Variants in KCNB2 observed in about 807,000 individuals in gnomAD.
KCNB2 encodes the protein delayed rectifier potassium channel protein.
Under a neutral mutation model 61.5 loss-of-function variants are expected in KCNB2, and 15 were observed. The observed-to-expected ratio is 0.24, with a 90% CI of 0.16 to 0.38. The LOEUF is 0.38. Ranked by LOEUF, KCNB2 falls within the 10% of genes least tolerant of loss-of-function variation. The pLI is 1.00. For missense variants in KCNB2, 828 were observed against 1,125.2 expected (o/e 0.74, Z 3.78); for synonymous variants, 457 against 446.0 (o/e 1.02, Z -0.31).
rs143234518 is a variant in KCNB2, at chr8:72,733,787, G to A, written c.579+165474G>A. On this transcript the variant is annotated intron_variant, in intron 2 of 2. Transcript: ENST00000523207. ...CCCCTGATTTTTGATGTAGCCCCCC[G>A]TTTGGTGTGGATGACTCGGAAGGCA... Among the ~76,000 whole-genome samples the A allele has an allele frequency of 1.1e-4, 16 of 152,166 alleles. No individual in the cohort carries two copies. In the East Asian group the frequency reaches 1.9e-3, roughly 18 times the overall value.
intron 2 of KCNB2, among the ~76,000 whole-genome samples, chr8:72,571,917 T>A (rs1018786422): frequency 2.0e-5 from 3 of 152,214 alleles, no homozygotes; most frequent in Non-Finnish European, 4.4e-5. Flanking sequence ...GAAACATTTT[T>A]CTCTCTTTTC....
chr8:72,581,557 G>A (rs349333), intron 2 of KCNB2, among the ~76,000 whole-genome samples: 152,199 of 152,374 alleles, frequency 1, 76,013 homozygotes, highest in Middle Eastern at 1. Context: ...TTCTCTGTGA[G>A]GACTAAATAG....
In KCNB2 at chr8:72,567,747, G is replaced by T. The variant is rs1339858416; in HGVS notation, c.13G>T (p.Ala5Ser). 9 of 1,559,580 alleles carry T rather than the reference G, an allele frequency of 5.8e-6. No individual in the cohort carries two copies. The highest frequency in any genetic ancestry group is 7.8e-6 in the Non-Finnish European group (9 of 1,156,422). Reference sequence around the variant, plus strand: ...TGTCCAGTTCAAAATGGCAGAAAAGGCTCCCCCGGGCTTAAACAGGAAGAC... The same window carrying T: ...TGTCCAGTTCAAAATGGCAGAAAAGTCTCCCCCGGGCTTAAACAGGAAGAC... MAEK[A>S]PPGLNRKTSR... Residue 5 changes from alanine to serine, a missense_variant, in exon 2 of 3, where the codon GCT (alanine) becomes TCT (serine). Ala to Ser is a moderately conservative substitution (Grantham distance 99). Around this residue, in one of 4 missense-constraint regions of KCNB2, gnomAD observed 62 missense variants for 54.8 expected, o/e 1.13. Coordinates refer to ENST00000523207, the MANE Select transcript of KCNB2 (RefSeq NM_004770.3).
chr8:72,625,568 C>A (rs1422465773), intron 2 of KCNB2, among the ~76,000 whole-genome samples: 1 of 152,110 alleles, frequency 6.6e-6, no homozygotes, highest in Admixed American at 6.5e-5. Context: ...GTAGCTGAGA[C>A]TACAGGCGTG....
At position 72,937,323 on chromosome 8, in the gene KCNB2, A is replaced by C; in HGVS notation, c.1968A>C (p.Arg656Ser). 3 of 1,614,010 alleles carry C rather than the reference A, an allele frequency of 1.9e-6. No homozygotes were observed. Among genetic ancestry groups the C allele is most frequent in the Non-Finnish European group, 2.5e-6 (3 of 1,180,004 alleles). Reference sequence around the variant, plus strand: ...GCCCCCCGTTTCTAACTCTATCCAGAGAGAAAGGACCTGCTGCCAGGGATG... The same window carrying C: ...GCCCCCCGTTTCTAACTCTATCCAGCGAGAAAGGACCTGCTGCCAGGGATG... Reference protein sequence around the residue: ...ARGPPFLTLSREKGPAARDGT... With the variant: ...ARGPPFLTLSSEKGPAARDGT... The change falls in exon 3 of 3, where the codon AGA becomes AGC. Residue 656 changes from arginine (R) to serine (S), a missense_variant. Physicochemically the swap from Arg to Ser is moderately radical, Grantham distance 110. This residue lies in a region of KCNB2 where 559 missense variants were observed against 588.4 expected (regional missense o/e 0.95). Coordinates refer to ENST00000523207, the MANE Select transcript of KCNB2 (RefSeq NM_004770.3).
chr8:72,728,807 G>A (rs1370001061), intron 2 of KCNB2, among the ~76,000 whole-genome samples: 2 of 151,870 alleles, frequency 1.3e-5, no homozygotes, highest in African/African-American at 4.8e-5. Context: ...AGCAACACAG[G>A]GTATTGCAAA....
intron 2 of KCNB2, among the ~76,000 whole-genome samples, chr8:72,624,423 A>G (rs1585791699): frequency 6.6e-6 from 1 of 152,230 alleles, no homozygotes; most frequent in Non-Finnish European, 1.5e-5. Context: ...TTCAACAACA[A>G]AAAAGATAAC....
chr8:72,670,050 T>C (rs1806537934), intron 2 of KCNB2, among the ~76,000 whole-genome samples: 1 of 152,224 alleles, frequency 6.6e-6, no homozygotes, highest in Non-Finnish European at 1.5e-5. Context: ...GCCTCAGTTT[T>C]TTCATTAGTA....
chr8:72,842,648 C>T (rs2129002718), intron 2 of KCNB2, among the ~76,000 whole-genome samples: 1 of 152,240 alleles, frequency 6.6e-6, no homozygotes, highest in Non-Finnish European at 1.5e-5. Flanking sequence ...TGACTTCTTC[C>T]TGGCTTGGTC....
At chr8:72,642,325 A>G (rs922172055) in intron 2 of KCNB2, among the ~76,000 whole-genome samples, 9 of 152,258 alleles carry the variant, frequency 5.9e-5, no homozygotes, top group South Asian at 4.1e-4. Flanking sequence ...ACTTTATTTT[A>G]CTTATTTGTT....
chr8:72,549,214 A>G (rs115490756), intron 1 of KCNB2, among the ~76,000 whole-genome samples: 4,305 of 152,232 alleles, frequency 0.028, 193 homozygotes, highest in African/African-American at 0.095. Context: ...CGTCTTCTAT[A>G]TCCCTTTCCT....
intron 1 of KCNB2, among the ~76,000 whole-genome samples, chr8:72,557,603 C>G (rs1806448848): frequency 6.6e-6 from 1 of 152,096 alleles, no homozygotes; most frequent in Admixed American, 6.6e-5. Context: ...CCTCATCAGT[C>G]CAGTGGAAGA....
At chr8:72,861,052 AC>A (rs1169299630) in intron 2 of KCNB2, among the ~76,000 whole-genome samples, 1 of 152,176 alleles carries the variant, frequency 6.6e-6, no homozygotes. Flanking sequence ...AAGAATCCAC[AC>A]CTTAAGCCTC....
At chr8:72,652,565 TG>T (rs1806228875) in intron 2 of KCNB2, among the ~76,000 whole-genome samples, 1 of 152,146 alleles carries the variant, frequency 6.6e-6, no homozygotes, top group East Asian at 1.9e-4. Context: ...CTCCTTTCCA[TG>T]ATCTATAAAT....
At chr8:72,663,076 TC>T (rs1806406555) in intron 2 of KCNB2, among the ~76,000 whole-genome samples, 1 of 152,134 alleles carries the variant, frequency 6.6e-6, no homozygotes, top group South Asian at 2.1e-4. Context: ...ATTTCTGCAC[TC>T]CAGGTGGGAA....
intron 2 of KCNB2, among the ~76,000 whole-genome samples, chr8:72,600,247 G>A (rs1807273196): frequency 6.6e-6 from 1 of 152,086 alleles, no homozygotes; most frequent in Admixed American, 6.6e-5. Flanking sequence ...TATACACCAT[G>A]GAATACTATG....
intron 2 of KCNB2, among the ~76,000 whole-genome samples, chr8:72,761,904 T>C (rs946177169): frequency 6.6e-6 from 1 of 152,216 alleles, no homozygotes; most frequent in African/African-American, 2.4e-5. Context: ...AGATAACTTG[T>C]ATATCTTAAT....
chr8:72,831,572 TG>T (rs1274973570), intron 2 of KCNB2, among the ~76,000 whole-genome samples: 2 of 152,232 alleles, frequency 1.3e-5, no homozygotes, highest in Non-Finnish European at 2.9e-5. Context: ...CAGACATACA[TG>T]CATATTTATG....
At chr8:72,725,541 G>GTA (rs1484909320) in intron 2 of KCNB2, among the ~76,000 whole-genome samples, 2,618 of 74,434 alleles carry the variant, frequency 0.035, 107 homozygotes, top group South Asian at 0.091. Context: ...ATATATATAT[G>GTA]TGTGTATATA....
Sources: gnomAD v4.1 joint callset for allele counts (sites outside exome capture counted in the v4.1 genomes callset) on GRCh38, gnomAD v4.1.1 for gene constraint, gnomAD v4.1.1 regional missense constraint, MANE v1.5 for transcripts, NCBI Gene and HGNC (gene_info 2026-07-23, HGNC 2026-07-21) for gene names.